The following NXPH1 variants were observed in gnomAD, a reference collection of about 807,000 sequenced individuals.
NXPH1 encodes the protein neurexophilin-1.
A neutral mutation model predicts 23.7 loss-of-function variants in NXPH1; 5 were observed. The observed-to-expected ratio is 0.21, with a 90% confidence interval of 0.11 to 0.44. The LOEUF is 0.44. NXPH1 is among the 20% of genes least tolerant of loss of function. The pLI is 0.99. For missense variants in NXPH1, 324 were observed against 321.6 expected (o/e 1.01, Z -0.06); for synonymous variants, 144 against 122.2 (o/e 1.18, Z -1.18).
chr7:8,671,661 G>T (rs1276250631), intron 2 of NXPH1, among the ~76,000 whole-genome samples: 1 of 152,186 alleles, frequency 6.6e-6, no homozygotes, highest in African/African-American at 2.4e-5. Flanking sequence ...TTTTAGATAA[G>T]TTTGGTACAG....
At chr7:8,454,183 C>G (rs896010143) in intron 2 of NXPH1, among the ~76,000 whole-genome samples, 1 of 151,998 alleles carries the variant, frequency 6.6e-6, no homozygotes, top group Non-Finnish European at 1.5e-5. Flanking sequence ...TAAAACAACT[C>G]CCCATGACAC....
chr7:8,490,504 G>C (rs1410355784), intron 2 of NXPH1, among the ~76,000 whole-genome samples: 2 of 151,682 alleles, frequency 1.3e-5, no homozygotes, highest in Non-Finnish European at 2.9e-5. Context: ...AAGGAGTATA[G>C]TTTTCATTCT....
intron 2 of NXPH1, among the ~76,000 whole-genome samples, chr7:8,621,818 T>C (rs1819880615): frequency 6.6e-6 from 1 of 152,166 alleles, no homozygotes; most frequent in African/African-American, 2.4e-5. Context: ...TCACATGCAT[T>C]ATCTCACTTA....
intron 2 of NXPH1, among the ~76,000 whole-genome samples, chr7:8,471,598 C>G (rs1337650183): frequency 1.3e-5 from 2 of 152,100 alleles, no homozygotes; most frequent in Non-Finnish European, 2.9e-5. Flanking sequence ...TGGCATGGAA[C>G]AGTAGGAGGA....
chr7:8,683,436 A>G (rs960836214), intron 2 of NXPH1, among the ~76,000 whole-genome samples: 4 of 152,102 alleles, frequency 2.6e-5, no homozygotes, highest in African/African-American at 9.7e-5. Flanking sequence ...AAGTTTCCCA[A>G]AATCAAATTT....
chr7:8,507,364 A>C (rs1167944462), intron 2 of NXPH1, among the ~76,000 whole-genome samples: 1 of 151,714 alleles, frequency 6.6e-6, no homozygotes, highest in Non-Finnish European at 1.5e-5. Context: ...TGACATAACC[A>C]GGGATAGCCA....
intron 2 of NXPH1, among the ~76,000 whole-genome samples, chr7:8,504,035 C>T (rs1480609709): frequency 1.3e-5 from 2 of 151,996 alleles, no homozygotes; most frequent in African/African-American, 2.4e-5. Flanking sequence ...TCAGTGTTTC[C>T]TCAACTTTGT....
At chr7:8,464,030 C>G (rs1284633594) in intron 2 of NXPH1, among the ~76,000 whole-genome samples, 1 of 152,076 alleles carries the variant, frequency 6.6e-6, no homozygotes, top group Non-Finnish European at 1.5e-5. Flanking sequence ...CCTCCTCCTC[C>G]TTTTCTTTGT....
chr7:8,600,995 G>A (rs1196771198), intron 2 of NXPH1, among the ~76,000 whole-genome samples: 1 of 151,480 alleles, frequency 6.6e-6, no homozygotes, highest in Non-Finnish European at 1.5e-5. Flanking sequence ...TATTGCATTA[G>A]GTATTATAAG....
intron 2 of NXPH1, among the ~76,000 whole-genome samples, chr7:8,580,550 A>G (rs1462971903): frequency 6.6e-6 from 1 of 152,140 alleles, no homozygotes; most frequent in Non-Finnish European, 1.5e-5. Context: ...CAGCAGCTGA[A>G]CATATTTTCC....
At chr7:8,693,973 A>T (rs1453471010) in intron 2 of NXPH1, among the ~76,000 whole-genome samples, 1 of 152,172 alleles carries the variant, frequency 6.6e-6, no homozygotes, top group Non-Finnish European at 1.5e-5. Context: ...GTATAATTTA[A>T]AATATATATC....
At chr7:8,501,927 G>A (rs1005399033) in intron 2 of NXPH1, among the ~76,000 whole-genome samples, 6 of 152,060 alleles carry the variant, frequency 3.9e-5, no homozygotes, top group Non-Finnish European at 7.4e-5. Context: ...ACAGATATTC[G>A]AAAGTTGTCT....
intron 2 of NXPH1, among the ~76,000 whole-genome samples, chr7:8,453,986 G>A (rs1816549163): frequency 6.6e-6 from 1 of 152,030 alleles, no homozygotes; most frequent in Non-Finnish European, 1.5e-5. Flanking sequence ...AGCAAACTAA[G>A]GAACAGAAAA....
chr7:8,498,137 T>G (rs149170156), intron 2 of NXPH1, among the ~76,000 whole-genome samples: 1 of 151,718 alleles, frequency 6.6e-6, no homozygotes, highest in African/African-American at 2.4e-5. Flanking sequence ...CCATGAAGCA[T>G]TGTACACACG....
At chr7:8,551,948 G>A (rs1211284327) in intron 2 of NXPH1, among the ~76,000 whole-genome samples, 1 of 151,176 alleles carries the variant, frequency 6.6e-6, no homozygotes, top group African/African-American at 2.4e-5. Context: ...TTTTTTGAAC[G>A]TTTTTTCCCT....
At chr7:8,746,673 A>G (rs1780474887) in intron 2 of NXPH1, among the ~76,000 whole-genome samples, 1 of 152,198 alleles carries the variant, frequency 6.6e-6, no homozygotes, top group Non-Finnish European at 1.5e-5. Context: ...TTAAAAAATT[A>G]TTTTATTGTG....
chr7:8,540,289 G>A (rs1372625890), intron 2 of NXPH1, among the ~76,000 whole-genome samples: 1 of 151,752 alleles, frequency 6.6e-6, no homozygotes. Context: ...CACTTGAACT[G>A]GGACTTCTGC....
intron 2 of NXPH1, among the ~76,000 whole-genome samples, chr7:8,499,187 C>A (rs1302993502): frequency 6.6e-6 from 1 of 152,060 alleles, no homozygotes; most frequent in African/African-American, 2.4e-5. Context: ...AAAGGATGAT[C>A]CTTAAGGAAA....
chr7:8,644,884 C>T (rs1820371027), intron 2 of NXPH1, among the ~76,000 whole-genome samples: 2 of 152,032 alleles, frequency 1.3e-5, no homozygotes, highest in Admixed American at 1.3e-4. Context: ...TGTTTATCTC[C>T]CCAAACAGTA....
Sources: gnomAD v4.1 joint callset for allele counts (sites outside exome capture counted in the v4.1 genomes callset) on GRCh38, gnomAD v4.1.1 for gene constraint, MANE v1.5 for transcripts, NCBI Gene and HGNC (gene_info 2026-07-23, HGNC 2026-07-21) for gene names.